Variants in PTPRK observed in about 807,000 individuals in gnomAD.
PTPRK encodes receptor-type tyrosine-protein phosphatase kappa.
In PTPRK, 75 loss-of-function variants were observed where a neutral mutation model predicts 178.0. The ratio of observed to expected loss-of-function variants is 0.42; its 90% CI spans 0.35 to 0.51. PTPRK has a LOEUF of 0.51. Ranked by LOEUF, PTPRK falls within the 20% of genes least tolerant of loss-of-function variation. The pLI is 0.02. For synonymous variants in PTPRK, 637 were observed against 620.6 expected, an observed-to-expected ratio of 1.03 and a Z score of -0.39; for missense variants, 1,441 against 1,797.8, an observed-to-expected ratio of 0.80 and a Z score of 3.59.
intron 1 of PTPRK, among the ~76,000 whole-genome samples, chr6:128,410,233 A>G (rs990286914): frequency 1.3e-5 from 2 of 152,182 alleles, no homozygotes; most frequent in Admixed American, 1.3e-4. Flanking sequence ...TTATTTTTCA[A>G]CAGCTTTTAA....
intron 5 of PTPRK, among the ~76,000 whole-genome samples, chr6:128,233,203 G>A (rs1812601522): frequency 6.6e-6 from 1 of 152,216 alleles, no homozygotes; most frequent in African/African-American, 2.4e-5. Flanking sequence ...GCTATAGCAT[G>A]GGGTCATCAG....
intron 1 of PTPRK, among the ~76,000 whole-genome samples, chr6:128,420,331 G>A (rs9398869): frequency 0.072 from 10,886 of 152,056 alleles, 436 homozygotes; most frequent in South Asian, 0.13. Context: ...AACACAAGGC[G>A]GTAAACTGAA....
intron 7 of PTPRK, among the ~76,000 whole-genome samples, chr6:128,160,382 G>A (rs1798538122): frequency 6.6e-6 from 1 of 151,656 alleles, no homozygotes; most frequent in South Asian, 2.1e-4. Flanking sequence ...TGGTATGGAT[G>A]ATAATGAACA....
intron 1 of PTPRK, among the ~76,000 whole-genome samples, chr6:128,471,290 T>C (rs1850618476): frequency 6.6e-6 from 1 of 152,052 alleles, no homozygotes; most frequent in Admixed American, 6.6e-5. Flanking sequence ...TGAGATTCTT[T>C]TTACATTTTA....
At chr6:128,096,478 A>G (rs1380461254) in intron 7 of PTPRK, among the ~76,000 whole-genome samples, 1 of 152,206 alleles carries the variant, frequency 6.6e-6, no homozygotes, top group Admixed American at 6.5e-5. Context: ...ATTCTGAAAG[A>G]GTTGTGAAAA....
At chr6:128,383,397 A>G (rs919047926) in intron 2 of PTPRK, among the ~76,000 whole-genome samples, 5 of 152,206 alleles carry the variant, frequency 3.3e-5, no homozygotes, top group Non-Finnish European at 7.3e-5. Flanking sequence ...CACTCAGACA[A>G]TCCTCTTGAC....
intron 3 of PTPRK, among the ~76,000 whole-genome samples, chr6:128,305,813 T>C (rs1188220202): frequency 6.6e-6 from 1 of 152,252 alleles, no homozygotes; most frequent in African/African-American, 2.4e-5. Context: ...AAGACCAGTA[T>C]CCTTCTACTA....
intron 1 of PTPRK, among the ~76,000 whole-genome samples, chr6:128,464,632 T>TACACAC (rs1562576078): frequency 5.6e-5 from 3 of 53,704 alleles, no homozygotes; most frequent in African/African-American, 3.7e-4. Flanking sequence ...TATATATATA[T>TACACAC]ATACACATAT....
chr6:128,044,553 C>T (rs980621450), intron 13 of PTPRK, among the ~76,000 whole-genome samples: 10 of 151,948 alleles, frequency 6.6e-5, no homozygotes, highest in Admixed American at 3.9e-4. Flanking sequence ...CCTTTCTATT[C>T]CTTGAATATC....
intron 2 of PTPRK, among the ~76,000 whole-genome samples, chr6:128,327,254 A>C (rs936360460): frequency 1.3e-5 from 2 of 152,212 alleles, no homozygotes; most frequent in Admixed American, 6.5e-5. Context: ...ATAATTCATG[A>C]TAAATAGATT....
At chr6:128,499,714 C>G (rs1225010301) in intron 1 of PTPRK, among the ~76,000 whole-genome samples, 2 of 152,298 alleles carry the variant, frequency 1.3e-5, no homozygotes, top group East Asian at 3.9e-4. Flanking sequence ...TGCATTGTGA[C>G]TCAGTACACA....
At chr6:128,472,780 G>A in intron 1 of PTPRK, 1 of 234,872 alleles carries the variant, frequency 4.3e-6, no homozygotes, top group Middle Eastern at 4.4e-4. Context: ...ATACACCACA[G>A]TTATATAATC....
intron 13 of PTPRK, among the ~76,000 whole-genome samples, chr6:128,019,010 TC>T (rs1773036956): frequency 6.6e-6 from 1 of 152,142 alleles, no homozygotes. Flanking sequence ...CTTATTAGCA[TC>T]ATACTGCAAT....
intron 1 of PTPRK, among the ~76,000 whole-genome samples, chr6:128,425,482 A>G (rs1434127016): frequency 6.6e-6 from 1 of 152,138 alleles, no homozygotes; most frequent in Non-Finnish European, 1.5e-5. Flanking sequence ...CTTAGCTCCC[A>G]CATATGAATC....
intron 1 of PTPRK, among the ~76,000 whole-genome samples, chr6:128,398,876 C>T (rs1033597545): frequency 1.6e-4 from 25 of 152,102 alleles, no homozygotes; most frequent in Admixed American, 9.2e-4. Flanking sequence ...GCGTAATTTT[C>T]AGGGGTAATT....
At chr6:128,268,934 T>C (rs1819368151) in intron 3 of PTPRK, among the ~76,000 whole-genome samples, 1 of 152,004 alleles carries the variant, frequency 6.6e-6, no homozygotes, top group South Asian at 2.1e-4. Context: ...AATATTCTAT[T>C]GAGAGATACT....
At chr6:128,436,437 C>T (rs571635584) in intron 1 of PTPRK, among the ~76,000 whole-genome samples, 1 of 152,150 alleles carries the variant, frequency 6.6e-6, no homozygotes, top group East Asian at 1.9e-4. Context: ...TTGTCGCTTA[C>T]TTTAGAAATT....
At chr6:128,233,342 A>G (rs1812624577) in intron 5 of PTPRK, among the ~76,000 whole-genome samples, 1 of 152,268 alleles carries the variant, frequency 6.6e-6, no homozygotes, top group Middle Eastern at 3.4e-3. Flanking sequence ...TCCCACTACC[A>G]TGTGGTGATG....
intron 11 of PTPRK, among the ~76,000 whole-genome samples, chr6:128,076,511 A>C (rs1191159115): frequency 6.6e-6 from 1 of 151,788 alleles, no homozygotes; most frequent in Non-Finnish European, 1.5e-5. Flanking sequence ...AGCAGATTTT[A>C]TTTTCCTGGT....
Sources: allele counts gnomAD v4.1 joint callset (sites outside exome capture counted in the v4.1 genomes callset), GRCh38; gene constraint gnomAD v4.1.1; transcripts MANE v1.5; gene names NCBI Gene and HGNC (gene_info 2026-07-23, HGNC 2026-07-21).